Variants in COMMD1 observed in about 807,000 individuals in gnomAD.
COMMD1 encodes the protein COMM domain-containing protein 1.
COMMD1 carries 10 observed loss-of-function variants against 17.2 expected under a neutral mutation model. That is an observed-to-expected ratio of 0.58 (90% CI 0.36 to 0.99). The LOEUF (loss-of-function observed/expected upper bound fraction) is 0.99. Ranked by LOEUF, COMMD1 falls within the 50% of genes least tolerant of loss-of-function variation. COMMD1 has a pLI of 0.01. For missense variants in COMMD1, 270 were observed against 231.8 expected (o/e 1.17, Z -1.07); for synonymous variants, 97 against 91.6 (o/e 1.06, Z -0.34).
chr2:62,005,520 A>G (rs1669086252), intron 2 of COMMD1, among the ~76,000 whole-genome samples: 1 of 152,254 alleles, frequency 6.6e-6, no homozygotes, highest in Non-Finnish European at 1.5e-5. Context: ...AACCCCATCA[A>G]AAAGTGGGCA....
At chr2:62,019,432 C>T (rs1426005956) in intron 2 of COMMD1, among the ~76,000 whole-genome samples, 4 of 152,080 alleles carry the variant, frequency 2.6e-5, no homozygotes, top group African/African-American at 7.2e-5. Context: ...GCCTTGGCCT[C>T]CCAAAGTGCT....
At chr2:62,042,510 C>A (rs1265128094) in intron 2 of COMMD1, among the ~76,000 whole-genome samples, 1 of 152,222 alleles carries the variant, frequency 6.6e-6, no homozygotes. Flanking sequence ...CCAGCAGGTG[C>A]TGGCGGGCCG....
intron 1 of COMMD1, chr2:61,969,107 C>A: frequency 5.3e-6 from 2 of 378,010 alleles, no homozygotes; most frequent in Middle Eastern, 6.9e-4. Context: ...TACAGGTGCA[C>A]ACCACCACAT....
chr2:62,021,588 G>T (rs1310720450), intron 2 of COMMD1, among the ~76,000 whole-genome samples: 1 of 152,128 alleles, frequency 6.6e-6, no homozygotes. Context: ...TAACATGGTT[G>T]GTTTGGTGGA....
intron 2 of COMMD1, chr2:62,055,425 C>T (rs1281615683): frequency 4.4e-6 from 2 of 456,026 alleles, no homozygotes; most frequent in East Asian, 6.9e-5. Context: ...ACCAAGAGTT[C>T]TACTTAAATT....
chr2:61,897,750 T>A (rs1241753466), intron 1 of COMMD1, among the ~76,000 whole-genome samples: 3 of 151,734 alleles, frequency 2.0e-5, no homozygotes. Context: ...ACTCTGTCTT[T>A]AAAAAAAATA....
intron 1 of COMMD1, among the ~76,000 whole-genome samples, chr2:61,914,114 G>A (rs962873852): frequency 6.6e-6 from 1 of 152,006 alleles, no homozygotes; most frequent in Non-Finnish European, 1.5e-5. Context: ...GGAGCTTGCA[G>A]TGAGCGGAGA....
intron 2 of COMMD1, chr2:62,118,848 C>T (rs953287908): frequency 6.6e-6 from 1 of 152,116 alleles, no homozygotes; most frequent in African/African-American, 2.4e-5. Context: ...GGACTAAATA[C>T]CAGAAATTAT....
At chr2:62,008,956 GC>G (rs1669203273) in intron 2 of COMMD1, among the ~76,000 whole-genome samples, 1 of 151,968 alleles carries the variant, frequency 6.6e-6, no homozygotes, top group African/African-American at 2.4e-5. Context: ...GCTAATTTTT[GC>G]ATTTTTAGTA....
At chr2:61,922,656 A>C (rs1001531600) in intron 1 of COMMD1, among the ~76,000 whole-genome samples, 2 of 152,178 alleles carry the variant, frequency 1.3e-5, no homozygotes, top group African/African-American at 4.8e-5. Flanking sequence ...TGCGAGGTTT[A>C]TTTCTTTCCC....
At chr2:62,014,031 T>C (rs1186452732) in intron 2 of COMMD1, among the ~76,000 whole-genome samples, 2 of 152,230 alleles carry the variant, frequency 1.3e-5, no homozygotes, top group East Asian at 3.8e-4. Context: ...TTTCTTATGA[T>C]GTGCCCTTTC....
Position 62,103,107 on chromosome 2 carries a change from A to T in COMMD1, c.463-32724A>T, listed in dbSNP as rs1454942154. On this transcript the variant is annotated intron_variant, in intron 2 of 2. Coordinates refer to ENST00000311832, the MANE Select transcript of COMMD1 (RefSeq NM_152516.4). The stretch of plus-strand genomic sequence containing the variant: ...CATTCTCCTGCCTCAGCCTCCAGAG[A>T]AGCTGGGACTACAGGTGCCTGCAAC... Among the ~76,000 whole-genome samples, 7 of 151,748 alleles carry T rather than the reference A, an allele frequency of 4.6e-5. No individual in the cohort carries two copies. In the East Asian group the frequency reaches 1.2e-3, roughly 25 times the overall value.
chr2:62,100,428 T>G (rs761470629), intron 2 of COMMD1: 3 of 152,226 alleles, frequency 2.0e-5, no homozygotes, highest in Non-Finnish European at 2.9e-5. Flanking sequence ...TGAGAACATG[T>G]GCCCAAGGTG....
chr2:61,988,592 T>C (rs1672165962), intron 1 of COMMD1, among the ~76,000 whole-genome samples: 1 of 152,132 alleles, frequency 6.6e-6, no homozygotes, highest in African/African-American at 2.4e-5. Flanking sequence ...GGAAGGAGTC[T>C]CTTTTGGAGC....
At chr2:62,125,986 G>T (rs1672875444) in intron 2 of COMMD1, among the ~76,000 whole-genome samples, 1 of 151,952 alleles carries the variant, frequency 6.6e-6, no homozygotes, top group Non-Finnish European at 1.5e-5. Flanking sequence ...TGTTCTCATT[G>T]TTCAGCTCCC....
rs564179087 is a variant in COMMD1, at chr2:61,892,462, G to A, written n.119+3620G>A. Among the ~76,000 whole-genome samples, 4 of 152,120 alleles carry A rather than the reference G, an allele frequency of 2.6e-5. No individual in the cohort carries two copies. In the South Asian group the frequency reaches 6.2e-4, roughly 24 times the overall value. On this transcript the variant is annotated intron_variant and non_coding_transcript_variant, in intron 1 of 2. Coordinates refer to the COMMD1 transcript ENST00000472729. ...AATCCCAGCACCTTGGGAGGCGGAG[G>A]AGGGTGGATCAGCTGAGGTCAGGGG... is the stretch of plus-strand genomic sequence containing the variant.
At chr2:61,918,004 A>T (rs971970840) in intron 1 of COMMD1, among the ~76,000 whole-genome samples, 1 of 152,212 alleles carries the variant, frequency 6.6e-6, no homozygotes, top group East Asian at 1.9e-4. Flanking sequence ...TACATCCTTA[A>T]CTATAAGCAG....
At chr2:61,999,563 ACAAC>A (rs959652625) in intron 1 of COMMD1, among the ~76,000 whole-genome samples, 1 of 152,170 alleles carries the variant, frequency 6.6e-6, no homozygotes, top group African/African-American at 2.4e-5. Context: ...ATTTTATCAA[ACAAC>A]CAATTAATTT....
At chr2:62,097,962 C>G (rs960345004) in intron 2 of COMMD1, among the ~76,000 whole-genome samples, 3 of 152,116 alleles carry the variant, frequency 2.0e-5, no homozygotes, top group Admixed American at 2.0e-4. Context: ...CCCTTTGCCC[C>G]CTTTGTGCAA....
Sources: allele counts gnomAD v4.1 joint callset (sites outside exome capture counted in the v4.1 genomes callset), GRCh38; gene constraint gnomAD v4.1.1; transcripts MANE v1.5; gene names NCBI Gene and HGNC (gene_info 2026-07-23, HGNC 2026-07-21).